Variants in MAPK8 observed in about 807,000 individuals in gnomAD.
MAPK8 encodes the protein JUN N-terminal kinase.
MAPK8 carries 13 observed loss-of-function variants against 52.9 expected under a neutral mutation model. The observed-to-expected ratio is 0.25, with a 90% CI of 0.16 to 0.39. The LOEUF (loss-of-function observed/expected upper bound fraction) is 0.39. Ranked by LOEUF, MAPK8 falls within the 10% of genes least tolerant of loss-of-function variation. The pLI is 1.00. For missense variants in MAPK8, 300 were observed against 519.2 expected (o/e 0.58, Z 4.10); for synonymous variants, 191 against 169.8 (o/e 1.12, Z -0.97).
chr10:48,402,659 CTCT>C (rs1327953386), intron 2 of MAPK8, among the ~76,000 whole-genome samples: 3 of 152,104 alleles, frequency 2.0e-5, no homozygotes, highest in Admixed American at 6.6e-5. Flanking sequence ...TTTTTATTAC[CTCT>C]TCTTGAAACA....
Position 48,420,065 on chromosome 10 carries a change from T to G in MAPK8, c.451-90T>G, listed in dbSNP as rs1034390536. ...GAGAAAAACGAACAATTAACATGAA[T>G]GTTTTGCAAGGGATAGTATAACTTT... On this transcript the variant is annotated intron_variant, in intron 5 of 11. Coordinates refer to ENST00000374189, the MANE Select transcript of MAPK8 (RefSeq NM_001323329.2). The G allele has an allele frequency of 7.5e-6, 7 of 935,116 alleles. No individual in the cohort carries two copies. In the African/African-American group the frequency reaches 8.2e-5, roughly 11 times the overall value. 57.9% of individuals were successfully genotyped at this position (935,116 alleles called of 1,614,324 possible). A position where few individuals can be genotyped will look rare whatever the true frequency, so the allele number is the denominator to read the frequency against.
intron 1 of MAPK8, among the ~76,000 whole-genome samples, chr10:48,396,834 A>C (rs1014949973): frequency 6.6e-6 from 1 of 152,220 alleles, no homozygotes; most frequent in Non-Finnish European, 1.5e-5. Context: ...CTGTCTTCTT[A>C]TGAGTTTTAA....
intron 1 of MAPK8, among the ~76,000 whole-genome samples, chr10:48,352,808 G>A (rs940444476): frequency 1.3e-5 from 2 of 152,142 alleles, no homozygotes; most frequent in African/African-American, 4.8e-5. Context: ...AATTGGAAAA[G>A]GAGAAATGAA....
intron 1 of MAPK8, among the ~76,000 whole-genome samples, chr10:48,317,057 T>A (rs1224025191): frequency 6.6e-6 from 1 of 152,190 alleles, no homozygotes; most frequent in Non-Finnish European, 1.5e-5. Context: ...TTACTCCCAT[T>A]TTATACATGA....
chr10:48,330,424 A>G (rs1035501658), intron 1 of MAPK8, among the ~76,000 whole-genome samples: 2 of 152,214 alleles, frequency 1.3e-5, no homozygotes, highest in African/African-American at 2.4e-5. Flanking sequence ...TTCTGAGGCC[A>G]TGTGACTTGC....
chr10:48,400,018 C>T (rs890237013), intron 1 of MAPK8, among the ~76,000 whole-genome samples: 1 of 152,236 alleles, frequency 6.6e-6, no homozygotes, highest in African/African-American at 2.4e-5. Flanking sequence ...CACTCCTCTT[C>T]CACTCTTCCC....
intron 1 of MAPK8, among the ~76,000 whole-genome samples, chr10:48,344,658 A>G (rs989634992): frequency 3.3e-5 from 5 of 152,354 alleles, no homozygotes; most frequent in Non-Finnish European, 4.4e-5. Flanking sequence ...TTTTTAAAAT[A>G]TCTTCTATAA....
At chr10:48,370,269 A>G (rs1037354090) in intron 1 of MAPK8, among the ~76,000 whole-genome samples, 2 of 152,202 alleles carry the variant, frequency 1.3e-5, no homozygotes, top group African/African-American at 4.8e-5. Flanking sequence ...CTTAGGGAAC[A>G]GGAGGACAGT....
chr10:48,371,503 A>G (rs954928906), intron 1 of MAPK8, among the ~76,000 whole-genome samples: 2 of 152,052 alleles, frequency 1.3e-5, no homozygotes, highest in African/African-American at 4.8e-5. Flanking sequence ...ATAGTTTATA[A>G]TTATTGGAAG....
chr10:48,425,176 C>G (rs1196948655), intron 7 of MAPK8: 2 of 765,988 alleles, frequency 2.6e-6, no homozygotes, highest in Non-Finnish European at 4.9e-6. Flanking sequence ...AGAATTGTTT[C>G]AGGAGGAAGA....
intron 1 of MAPK8, among the ~76,000 whole-genome samples, chr10:48,366,268 C>T (rs532980389): frequency 1.5e-4 from 23 of 151,908 alleles, no homozygotes; most frequent in African/African-American, 4.8e-4. Flanking sequence ...ACAAAAAAAA[C>T]CCCTAAGAAC....
intron 1 of MAPK8, among the ~76,000 whole-genome samples, chr10:48,391,066 A>T (rs1210265993): frequency 1.3e-5 from 2 of 152,220 alleles, no homozygotes; most frequent in African/African-American, 4.8e-5. Context: ...GATACAAAAG[A>T]GTGTTAAAAA....
At chr10:48,392,449 T>C (rs887566443) in intron 1 of MAPK8, among the ~76,000 whole-genome samples, 1 of 151,980 alleles carries the variant, frequency 6.6e-6, no homozygotes, top group African/African-American at 2.4e-5. Context: ...TAGAATTATA[T>C]ATATGTTATT....
chr10:48,307,740 G>C (rs184490096), intron 1 of MAPK8, among the ~76,000 whole-genome samples: 1 of 152,096 alleles, frequency 6.6e-6, no homozygotes, highest in Non-Finnish European at 1.5e-5. Context: ...ATTCTGGTCC[G>C]TCAGTCCATT....
intron 1 of MAPK8, among the ~76,000 whole-genome samples, chr10:48,357,276 T>C (rs1014989881): frequency 6.6e-6 from 1 of 152,212 alleles, no homozygotes; most frequent in Non-Finnish European, 1.5e-5. Flanking sequence ...CCACTCATAA[T>C]TGGTTTTCTG....
At chr10:48,325,841 T>C (rs1371939986) in intron 1 of MAPK8, 1 of 152,240 alleles carries the variant, frequency 6.6e-6, no homozygotes, top group African/African-American at 2.4e-5. Context: ...CCTTGACTGC[T>C]CAAATATTTT....
chr10:48,314,058 G>T (rs1307060815), intron 1 of MAPK8, among the ~76,000 whole-genome samples: 1 of 152,144 alleles, frequency 6.6e-6, no homozygotes, highest in African/African-American at 2.4e-5. Flanking sequence ...TATTCCATTT[G>T]TCTTACTCTG....
At chr10:48,378,618 A>G (rs184385347) in intron 1 of MAPK8, among the ~76,000 whole-genome samples, 4 of 152,274 alleles carry the variant, frequency 2.6e-5, no homozygotes, top group African/African-American at 9.6e-5. Flanking sequence ...GTGGTAGACA[A>G]ATAAGAAAAC....
At chr10:48,347,171 C>T (rs1845871213) in intron 1 of MAPK8, among the ~76,000 whole-genome samples, 1 of 152,118 alleles carries the variant, frequency 6.6e-6, no homozygotes, top group African/African-American at 2.4e-5. Flanking sequence ...GAGAAACCTG[C>T]ACTTCCACCC....
Sources: gnomAD v4.1 joint callset for allele counts (sites outside exome capture counted in the v4.1 genomes callset) on GRCh38, gnomAD v4.1.1 for gene constraint, MANE v1.5 for transcripts, NCBI Gene and HGNC (gene_info 2026-07-23, HGNC 2026-07-21) for gene names.